MECOM: variants seen among roughly 807,000 people sequenced by gnomAD.
MECOM encodes histone-lysine N-methyltransferase MECOM.
A neutral mutation model predicts 116.3 loss-of-function variants in MECOM; 13 were observed. The ratio of observed to expected loss-of-function variants is 0.11; its 90% CI spans 0.07 to 0.18. The LOEUF is 0.18. Ranked by LOEUF, MECOM falls within the 10% of genes least tolerant of loss-of-function variation. The probability of loss-of-function intolerance (pLI) is 1.00; values close to 1 mark genes in which losing one functional copy is unlikely to be tolerated. For missense variants in MECOM, 1,299 were observed against 1,509.0 expected (o/e 0.86, Z 2.31); for synonymous variants, 528 against 535.2 (o/e 0.99, Z 0.19).
intron 1 of MECOM, among the ~76,000 whole-genome samples, chr3:169,395,748 T>A: frequency 6.6e-6 from 1 of 152,194 alleles, no homozygotes; most frequent in East Asian, 1.9e-4. Context: ...GTGTCAAATA[T>A]TACCAACTAA....
intron 1 of MECOM, among the ~76,000 whole-genome samples, chr3:169,636,456 G>A (rs200401509): frequency 5.9e-4 from 90 of 152,296 alleles, no homozygotes; most frequent in African/African-American, 2.0e-3. Flanking sequence ...GGAGACTGAT[G>A]GGGAAGATTC....
chr3:169,174,671 G>A (rs1441358216), intron 2 of MECOM, among the ~76,000 whole-genome samples: 1 of 152,084 alleles, frequency 6.6e-6, no homozygotes, highest in Non-Finnish European at 1.5e-5. Context: ...ATATTGGATC[G>A]GAAATTCTGA....
intron 1 of MECOM, among the ~76,000 whole-genome samples, chr3:169,593,749 A>G (rs2109661860): frequency 6.6e-6 from 1 of 152,278 alleles, no homozygotes; most frequent in East Asian, 1.9e-4. Flanking sequence ...ATTCCCAAGG[A>G]GTTAATTCAA....
At chr3:169,484,812 C>T (rs567583397) in intron 1 of MECOM, among the ~76,000 whole-genome samples, 1 of 152,072 alleles carries the variant, frequency 6.6e-6, no homozygotes, top group Admixed American at 6.6e-5. Flanking sequence ...AATTGACAAG[C>T]ATATCAAAAG....
At chr3:169,143,088 T>C (rs1738630656) in intron 3 of MECOM, among the ~76,000 whole-genome samples, 1 of 152,048 alleles carries the variant, frequency 6.6e-6, no homozygotes, top group African/African-American at 2.4e-5. Context: ...TCACAGTTAT[T>C]GTTATTAAAG....
At chr3:169,286,423 G>A (rs1560089561) in intron 2 of MECOM, among the ~76,000 whole-genome samples, 1 of 152,160 alleles carries the variant, frequency 6.6e-6, no homozygotes, top group Non-Finnish European at 1.5e-5. Context: ...TGCAGAGCCT[G>A]AGTAAGAATA....
intron 1 of MECOM, among the ~76,000 whole-genome samples, chr3:169,387,797 G>A (rs374139949): frequency 3.3e-5 from 5 of 152,144 alleles, no homozygotes; most frequent in Admixed American, 6.5e-5. Flanking sequence ...ACAGAAACAT[G>A]ATTTGAGATC....
rs1469383084 is a variant in MECOM at position 169,553,042 on chromosome 3, A to C, written c.37+110294T>G. On this transcript the variant is annotated intron_variant, in intron 1 of 16. Coordinates refer to ENST00000651503, the MANE Select transcript of MECOM (RefSeq NM_004991.4). ...CTGAAATGACCTCAGAGGTTAAAGG[A>C]CAAGGTCAGCTACCAGGTACTTTTT... Among the ~76,000 whole-genome samples, 4 of 152,266 alleles carry C rather than the reference A, an allele frequency of 2.6e-5. No homozygotes were observed. In the East Asian group the frequency reaches 7.7e-4, roughly 29 times the overall value.
chr3:169,452,140 G>A (rs1745708102), intron 1 of MECOM, among the ~76,000 whole-genome samples: 1 of 151,838 alleles, frequency 6.6e-6, no homozygotes, highest in African/African-American at 2.4e-5. Flanking sequence ...AATATTCTCA[G>A]ATGCTTTGGT....
At chr3:169,102,295 C>A in intron 10 of MECOM, 69 bp from the exon 11 acceptor site, 2 of 1,425,002 alleles carry the variant, frequency 1.4e-6, no homozygotes, top group South Asian at 1.5e-5. Flanking sequence ...TCTGGCAAAC[C>A]AAGGACATCA....
chr3:169,126,829 G>C (rs368345231), intron 5 of MECOM, among the ~76,000 whole-genome samples: 1 of 151,984 alleles, frequency 6.6e-6, no homozygotes, highest in East Asian at 1.9e-4. Context: ...GGAAGAAAAG[G>C]ATCCAGGAAA....
At chr3:169,149,186 G>T (rs189745876) in intron 2 of MECOM, among the ~76,000 whole-genome samples, 1 of 149,416 alleles carries the variant, frequency 6.7e-6, no homozygotes, top group East Asian at 2.0e-4. Context: ...GATGCATTGT[G>T]TATTAAATAC....
chr3:169,334,553 G>A (rs1210379382), intron 2 of MECOM, among the ~76,000 whole-genome samples: 2 of 152,092 alleles, frequency 1.3e-5, no homozygotes, highest in East Asian at 3.9e-4. Flanking sequence ...AGAAGACGGA[G>A]AACGCTGGTT....
intron 1 of MECOM, among the ~76,000 whole-genome samples, chr3:169,548,707 C>T (rs1333632534): frequency 1.3e-5 from 2 of 152,124 alleles, no homozygotes; most frequent in African/African-American, 4.8e-5. Flanking sequence ...GGTAGATGTC[C>T]CTGCTTGCTG....
At chr3:169,606,780 T>G (rs1768631752) in intron 1 of MECOM, among the ~76,000 whole-genome samples, 1 of 152,144 alleles carries the variant, frequency 6.6e-6, no homozygotes, top group African/African-American at 2.4e-5. Flanking sequence ...ATCCATCTAC[T>G]TTCCCACCTG....
chr3:169,552,917 T>G (rs1761581972), intron 1 of MECOM, among the ~76,000 whole-genome samples: 1 of 151,944 alleles, frequency 6.6e-6, no homozygotes, highest in African/African-American at 2.4e-5. Flanking sequence ...ACCAAAAAAA[T>G]GCCAAGGTAA....
intron 2 of MECOM, chr3:169,149,531 C>T (rs1284582020): frequency 1.5e-5 from 4 of 268,602 alleles, no homozygotes; most frequent in African/African-American, 9.2e-5. Flanking sequence ...CCGGCGGCTC[C>T]AGCCACCCAG....
chr3:169,496,904 C>A (rs915185219), intron 1 of MECOM, among the ~76,000 whole-genome samples: 2 of 152,020 alleles, frequency 1.3e-5, no homozygotes, highest in Non-Finnish European at 2.9e-5. Context: ...TCTTTGGGAC[C>A]CCCATAAAAT....
chr3:169,415,588 A>G (rs573989410), intron 1 of MECOM, among the ~76,000 whole-genome samples: 36 of 152,296 alleles, frequency 2.4e-4, no homozygotes, highest in African/African-American at 8.7e-4. Context: ...AGACAGGCAA[A>G]TTGGATCAAG....
Sources: allele counts gnomAD v4.1 joint callset (sites outside exome capture counted in the v4.1 genomes callset), GRCh38; gene constraint gnomAD v4.1.1; transcripts MANE v1.5; gene names NCBI Gene and HGNC (gene_info 2026-07-23, HGNC 2026-07-21).